The following SNORC variants were observed in gnomAD, a reference collection of about 807,000 sequenced individuals.
SNORC encodes the protein protein SNORC.
SNORC carries 11 observed loss-of-function variants against 9.7 expected under a neutral mutation model. The observed-to-expected ratio is 1.14, with a 90% CI of 0.72 to 1.88. The LOEUF (loss-of-function observed/expected upper bound fraction) is 1.88. Ranked by LOEUF, SNORC falls within the 40% of genes most tolerant of loss-of-function variation. SNORC has a pLI of 0.00. For synonymous variants in SNORC, 108 were observed against 88.7 expected, an observed-to-expected ratio of 1.22 and a Z score of -1.22; for missense variants, 197 against 173.1, an observed-to-expected ratio of 1.14 and a Z score of -0.77.
chr2:232,867,719 C>T (rs1690905235), upstream of SNORC, among the ~76,000 whole-genome samples: 1 of 152,224 alleles, frequency 6.6e-6, no homozygotes, highest in Admixed American at 6.5e-5. Context: ...GCCTGCCTCC[C>T]TCCCTATCAT....
chr2:232,870,155 C>T (rs1242624163), upstream of SNORC: 59 of 595,014 alleles, frequency 9.9e-5, 3 homozygotes, highest in South Asian at 1.1e-3. Flanking sequence ...TCTGTGAGCT[C>T]TTGTGTGTGT....
intron 1 of SNORC, among the ~76,000 whole-genome samples, chr2:232,872,813 TTTGC>T (rs1691079749): frequency 6.6e-6 from 1 of 151,558 alleles, no homozygotes; most frequent in Non-Finnish European, 1.5e-5. Context: ...GCCTCTCAGC[TTTGC>T]TTTCCCTTCT....
chr2:232,874,857 G>A (rs972525647), intron 1 of SNORC, among the ~76,000 whole-genome samples: 3 of 152,242 alleles, frequency 2.0e-5, no homozygotes, highest in African/African-American at 7.2e-5. Flanking sequence ...CAGCCCACCT[G>A]TGCTCACCAC....
chr2:232,877,385 C>T (rs1691313007), downstream of SNORC: 1 of 984,258 alleles, frequency 1.0e-6, no homozygotes, highest in South Asian at 4.7e-5. Context: ...GATCATTTAA[C>T]CTGCTCAGCA....
At chr2:232,876,756 G>T, downstream of SNORC, 2 of 985,586 alleles carry the variant, frequency 2.0e-6, no homozygotes, top group Non-Finnish European at 2.4e-6. This position sits in a 1 kb window ranked among gnomAD's most constrained non-coding sequence, Gnocchi z 6.8. Flanking sequence ...TGTGCGGCCA[G>T]CGGTCTTAGC....
At chr2:232,876,566 C>G (rs1471964093), downstream of SNORC, 3 of 1,166,678 alleles carry the variant, frequency 2.6e-6, no homozygotes, top group African/African-American at 1.6e-5. This position sits in a 1 kb window ranked among gnomAD's most constrained non-coding sequence, Gnocchi z 6.8. Context: ...CCCGCAGGGG[C>G]GCCGGGGCGT....
At chr2:232,866,969 A>T (rs1690890901), upstream of SNORC, among the ~76,000 whole-genome samples, 2 of 152,308 alleles carry the variant, frequency 1.3e-5, no homozygotes, top group South Asian at 4.2e-4. Flanking sequence ...TGTCTCTCAC[A>T]TTCAGTAGAG....
intron 1 of SNORC, chr2:232,875,619 A>T: frequency 2.1e-6 from 1 of 477,612 alleles, no homozygotes. Context: ...TGGGACTGAG[A>T]ATGTCTCCTT....
chr2:232,871,248 G>C (rs1251611818), intron 1 of SNORC, among the ~76,000 whole-genome samples: 2 of 152,106 alleles, frequency 1.3e-5, no homozygotes, highest in African/African-American at 4.8e-5. Context: ...CCTGGGGAGA[G>C]CTTCTGGGGG....
At chr2:232,874,691 T>C (rs1337709337) in intron 1 of SNORC, among the ~76,000 whole-genome samples, 1 of 152,222 alleles carries the variant, frequency 6.6e-6, no homozygotes, top group Non-Finnish European at 1.5e-5. Flanking sequence ...GGCAAGTGTC[T>C]GGCTTGACTC....
chr2:232,869,216 A>G (rs1261130809), upstream of SNORC: 1 of 152,168 alleles, frequency 6.6e-6, no homozygotes, highest in Non-Finnish European at 1.5e-5. Context: ...GTGGCCACAT[A>G]ATCACCACAG....
intron 1 of SNORC, among the ~76,000 whole-genome samples, chr2:232,872,245 C>T (rs1426459085): frequency 6.6e-6 from 1 of 152,274 alleles, no homozygotes; most frequent in South Asian, 2.1e-4. Flanking sequence ...GAGGCCCAGG[C>T]CCCATCTGAG....
exon 2 of SNORC, chr2:232,875,967 C>T: frequency 1.3e-6 from 2 of 1,553,566 alleles, no homozygotes; most frequent in Non-Finnish European, 1.7e-6. Context: ...CCCGTGCCCA[C>T]GCTGTGGAAC....
upstream of SNORC, among the ~76,000 whole-genome samples, chr2:232,867,767 T>TA (rs1445434064): frequency 1.3e-5 from 2 of 152,342 alleles, no homozygotes; most frequent in African/African-American, 4.8e-5. Flanking sequence ...TTCACTTTGG[T>TA]AAACACAGTG....
chr2:232,876,701 G>A, downstream of SNORC: 1 of 991,306 alleles, frequency 1.0e-6, no homozygotes, highest in Non-Finnish European at 1.2e-6. This position sits in a 1 kb window ranked among gnomAD's most constrained non-coding sequence, Gnocchi z 6.8. Context: ...CCGCATGTGC[G>A]TGCCCGGTGC....
At chr2:232,873,412 T>A (rs1179149704) in intron 1 of SNORC, among the ~76,000 whole-genome samples, 1 of 151,898 alleles carries the variant, frequency 6.6e-6, no homozygotes, top group East Asian at 1.9e-4. Flanking sequence ...ACTGCCCTGC[T>A]CAGAGGGTAC....
At chr2:232,873,495 C>T (rs939144766) in intron 1 of SNORC, among the ~76,000 whole-genome samples, 1 of 152,196 alleles carries the variant, frequency 6.6e-6, no homozygotes, top group Non-Finnish European at 1.5e-5. Flanking sequence ...GGCTGGAGGC[C>T]TGCCACTCCT....
intron 1 of SNORC, among the ~76,000 whole-genome samples, chr2:232,874,331 CAG>C (rs1306538364): frequency 6.6e-6 from 1 of 152,164 alleles, no homozygotes; most frequent in African/African-American, 2.4e-5. Flanking sequence ...CTTAACACAC[CAG>C]AGTCAGCTAT....
chr2:232,871,111 G>A (rs145931190), intron 1 of SNORC, among the ~76,000 whole-genome samples: 2,154 of 152,286 alleles, frequency 0.014, 70 homozygotes, highest in Middle Eastern at 0.014. Context: ...CTTTTGGCCG[G>A]GAGTTGGACC....
Sources: allele counts gnomAD v4.1 joint callset (sites outside exome capture counted in the v4.1 genomes callset), GRCh38; gene constraint gnomAD v4.1.1; non-coding constraint Gnocchi (gnomAD v3.1); transcripts MANE v1.5; gene names NCBI Gene and HGNC (gene_info 2026-07-23, HGNC 2026-07-21).